The following NCAM2 variants were observed in gnomAD, a reference collection of about 807,000 sequenced individuals.
NCAM2 encodes N-CAM-2.
A neutral mutation model predicts 98.1 loss-of-function variants in NCAM2; 30 were observed. That is an observed-to-expected ratio of 0.31 (90% CI 0.23 to 0.41). NCAM2 has a LOEUF of 0.41. Among genes scored for constraint, NCAM2 ranks in the 10% least tolerant of loss-of-function variants. The probability of loss-of-function intolerance (pLI) is 1.00; values close to 1 mark genes in which losing one functional copy is unlikely to be tolerated. For missense variants in NCAM2, 867 were observed against 1,005.8 expected, an observed-to-expected ratio of 0.86 and a Z score of 1.87; for synonymous variants, 368 against 342.4, an observed-to-expected ratio of 1.07 and a Z score of -0.83.
chr21:21,407,424 T>A (rs888264434), intron 9 of NCAM2, among the ~76,000 whole-genome samples: 1 of 152,182 alleles, frequency 6.6e-6, no homozygotes, highest in East Asian at 1.9e-4. Context: ...AAATTCACAC[T>A]GAGATCATCA....
chr21:21,346,360 C>G (rs1354333632), intron 8 of NCAM2, among the ~76,000 whole-genome samples: 1 of 151,938 alleles, frequency 6.6e-6, no homozygotes, highest in Non-Finnish European at 1.5e-5. Flanking sequence ...TATATGCACC[C>G]AACATGGGAG....
At chr21:21,467,428 T>TATATATATATATCTTTATATATATATATA (rs1555902035) in intron 13 of NCAM2, among the ~76,000 whole-genome samples, 73 of 140,724 alleles carry the variant, frequency 5.2e-4, no homozygotes, top group African/African-American at 1.9e-3. Flanking sequence ...ATATATCTTT[T>TATATATATATATCTTTATATATATATATA]TATATATATA....
chr21:21,212,556 C>T (rs536789922), intron 1 of NCAM2, among the ~76,000 whole-genome samples: 42 of 152,172 alleles, frequency 2.8e-4, no homozygotes, highest in African/African-American at 1.0e-3. Flanking sequence ...CCCATACACA[C>T]GTACAAATGA....
chr21:21,510,357 C>G (rs1026350782), intron 16 of NCAM2, among the ~76,000 whole-genome samples: 2 of 152,082 alleles, frequency 1.3e-5, no homozygotes. Context: ...ATTAACCTCC[C>G]TCACCCAGGC....
chr21:21,412,267 T>A (rs2076902269), intron 10 of NCAM2, among the ~76,000 whole-genome samples: 1 of 152,232 alleles, frequency 6.6e-6, no homozygotes, highest in South Asian at 2.1e-4. Context: ...TGTCTTCCTT[T>A]TCTTGTAAGG....
intron 1 of NCAM2, among the ~76,000 whole-genome samples, chr21:21,090,398 T>C (rs1180685037): frequency 6.6e-6 from 1 of 152,196 alleles, no homozygotes; most frequent in Non-Finnish European, 1.5e-5. Flanking sequence ...AAAATCTGCA[T>C]GTCAAAGAGT....
At chr21:21,509,893 G>T (rs929874291) in intron 16 of NCAM2, among the ~76,000 whole-genome samples, 1 of 152,114 alleles carries the variant, frequency 6.6e-6, no homozygotes, top group Non-Finnish European at 1.5e-5. Flanking sequence ...ACATATACAT[G>T]TGTGCATTAA....
At chr21:21,234,705 T>C (rs746490491) in intron 1 of NCAM2, among the ~76,000 whole-genome samples, 1 of 151,968 alleles carries the variant, frequency 6.6e-6, no homozygotes, top group Non-Finnish European at 1.5e-5. Context: ...AACCCAAGCT[T>C]TTCCTCTGAG....
intron 1 of NCAM2, among the ~76,000 whole-genome samples, chr21:21,120,427 C>A (rs921583843): frequency 1.3e-5 from 2 of 151,958 alleles, no homozygotes; most frequent in African/African-American, 4.8e-5. Context: ...CCTTTAGTGG[C>A]ACTGTAGGTG....
At position 21,534,520 on chromosome 21, in the gene NCAM2, T is replaced by G. The variant is rs1989879795; in HGVS notation, c.2283-17T>G. On this transcript the variant is annotated splice_polypyrimidine_tract_variant and intron_variant, in intron 16 of 17. Coordinates refer to ENST00000400546, the MANE Select transcript of NCAM2 (RefSeq NM_004540.5). The stretch of plus-strand genomic sequence containing the variant: ...TTTTAAATTACACAGGTGAGATGTT[T>G]CTCTTTATGTTTCTAGGAAAGATGG... 2 of 1,546,214 alleles carry G rather than the reference T, an allele frequency of 1.3e-6. No individual in the cohort carries two copies. Among genetic ancestry groups the G allele is most frequent in the Non-Finnish European group, 1.7e-6 (2 of 1,142,874 alleles).
intron 1 of NCAM2, among the ~76,000 whole-genome samples, chr21:21,060,644 A>T (rs2065302151): frequency 6.6e-6 from 1 of 152,160 alleles, no homozygotes; most frequent in Admixed American, 6.6e-5. Flanking sequence ...AAAAATGACA[A>T]AATTGGAATA....
chr21:21,104,753 T>C (rs1278675229), intron 1 of NCAM2, among the ~76,000 whole-genome samples: 1 of 152,158 alleles, frequency 6.6e-6, no homozygotes, highest in African/African-American at 2.4e-5. Context: ...GGTAGTCTGT[T>C]CTTTCATTGT....
chr21:21,331,580 G>T (rs182414131), intron 6 of NCAM2, among the ~76,000 whole-genome samples: 146 of 964 alleles, frequency 0.15, 15 homozygotes, highest in African/African-American at 0.28. Flanking sequence ...TATATATATA[G>T]AGAGAGAGAG....
At chr21:21,281,188 C>A (rs987427277) in intron 2 of NCAM2, among the ~76,000 whole-genome samples, 3 of 152,028 alleles carry the variant, frequency 2.0e-5, no homozygotes, top group Non-Finnish European at 4.4e-5. Context: ...ATTTAGACTG[C>A]TAATCTAGAT....
chr21:21,508,807 C>CTTTTTTT (rs1569128116), intron 15 of NCAM2, 44 bp from the exon 16 acceptor site: 1 of 705,788 alleles, frequency 1.4e-6, no homozygotes, highest in Non-Finnish European at 2.0e-6. Context: ...TACTTTTTTT[C>CTTTTTTT]CTTTTTTTTT....
chr21:21,290,479 A>G (rs1029478495), intron 4 of NCAM2, among the ~76,000 whole-genome samples: 1 of 151,784 alleles, frequency 6.6e-6, no homozygotes, highest in African/African-American at 2.4e-5. Context: ...CTTTCTCCCC[A>G]GTCTTTCTTT....
chr21:21,265,884 A>T (rs1176299861), intron 1 of NCAM2, among the ~76,000 whole-genome samples: 1 of 152,100 alleles, frequency 6.6e-6, no homozygotes, highest in Non-Finnish European at 1.5e-5. Context: ...AAACCTGCAC[A>T]TGTACCCCTG....
intron 5 of NCAM2, among the ~76,000 whole-genome samples, chr21:21,300,002 G>A (rs1195895096): frequency 1.3e-5 from 2 of 151,914 alleles, no homozygotes; most frequent in Non-Finnish European, 2.9e-5. Context: ...TGTAAATAGT[G>A]TTACACTGTA....
chr21:21,542,364 T>C lies in NCAM2; in HGVS notation c.*4407T>C, dbSNP rs1169790770. 6.6e-6 allele frequency: 1 copy of C among 151,788 alleles called. No homozygotes were observed. Among genetic ancestry groups the C allele is most frequent in the Non-Finnish European group, 1.5e-5 (1 of 67,820 alleles). The allele number at this position is 151,788 out of a possible 1,614,324, so 9.4% of individuals were successfully genotyped here. A position where few individuals can be genotyped will look rare whatever the true frequency, so the allele number is the denominator to read the frequency against. On this transcript the variant is annotated 3_prime_UTR_variant, in exon 18 of 18. Coordinates refer to ENST00000400546, the MANE Select transcript of NCAM2 (RefSeq NM_004540.5). ...GCTAAATATTTATTTGATAACACAA[T>C]ATTCTTAGAAAAATAGTTTATTACT...
Sources: gnomAD v4.1 joint callset for allele counts (sites outside exome capture counted in the v4.1 genomes callset) on GRCh38, gnomAD v4.1.1 for gene constraint, MANE v1.5 for transcripts, NCBI Gene and HGNC (gene_info 2026-07-23, HGNC 2026-07-21) for gene names.